Variants in SLCO4C1 observed in about 807,000 individuals in gnomAD.
The protein encoded by SLCO4C1 is solute carrier organic anion transporter family member 4C1.
In SLCO4C1, 58 loss-of-function variants were observed where a neutral mutation model predicts 72.1. The observed-to-expected ratio is 0.80, with a 90% confidence interval of 0.65 to 1.00. The LOEUF is 1.00. Ranked by LOEUF, SLCO4C1 falls within the 50% of genes least tolerant of loss-of-function variation. SLCO4C1 has a pLI of 0.00. For missense variants in SLCO4C1, 898 were observed against 857.9 expected (o/e 1.05, Z -0.58); for synonymous variants, 297 against 312.5 (o/e 0.95, Z 0.52).
At chr5:102,295,836 C>T in intron 1 of SLCO4C1, 72 bp downstream of exon 1, 1 of 1,463,852 alleles carries the variant, frequency 6.8e-7, no homozygotes, top group Admixed American at 2.2e-5. Flanking sequence ...CACCTGCCCT[C>T]TCCCCCGGCT....
At chr5:102,256,661 A>G (rs1158022021) in intron 8 of SLCO4C1, among the ~76,000 whole-genome samples, 1 of 152,268 alleles carries the variant, frequency 6.6e-6, no homozygotes, top group Non-Finnish European at 1.5e-5. Context: ...CTAAGTAGAT[A>G]CAATAATGGT....
At chr5:102,260,990 T>C (rs963924323) in intron 5 of SLCO4C1, among the ~76,000 whole-genome samples, 1 of 152,168 alleles carries the variant, frequency 6.6e-6, no homozygotes, top group African/African-American at 2.4e-5. Flanking sequence ...TGTAAACAAC[T>C]AAATACCTTC....
chr5:102,240,632 TGCCACAGG>T, intron 11 of SLCO4C1, 78 bp downstream of exon 11: 1 of 1,027,676 alleles, frequency 9.7e-7, no homozygotes, highest in Non-Finnish European at 1.5e-6. Flanking sequence ...TAATTTTTTT[TGCCACAGG>T]CCATAAATTA....
Position 102,270,780 on chromosome 5 carries a change from T to C in SLCO4C1, c.646A>G (p.Thr216Ala). The change falls in exon 3 of 13, where the codon ACC (threonine) becomes GCC (alanine). Residue 216 changes from threonine to alanine, a missense_variant. Thr to Ala is a moderately conservative substitution (Grantham distance 58). Coordinates refer to ENST00000310954, the MANE Select transcript of SLCO4C1 (RefSeq NM_180991.5). Reference protein sequence around the residue: ...EDTCVTTRNSTSCTSSTSSLS... With the variant: ...EDTCVTTRNSASCTSSTSSLS... ...GAAGAAGTTGAAGATGTACAACTGG[T>C]GCTATTCCTTGTTGTTACACAAGTG... The C allele has an allele frequency of 1.9e-6, 3 of 1,603,510 alleles. 1 individual carries two copies. The highest frequency in any genetic ancestry group is 1.1e-5 in the South Asian group (1 of 89,192).
At chr5:102,261,786 T>A (rs1580251551) in intron 5 of SLCO4C1, 126 bp downstream of exon 5, 2 of 943,356 alleles carry the variant, frequency 2.1e-6, no homozygotes, top group East Asian at 6.0e-5. Flanking sequence ...AAAGTTTACA[T>A]AGGCAGACAG....
intron 2 of SLCO4C1, among the ~76,000 whole-genome samples, chr5:102,284,375 A>C (rs6892215): frequency 0.021 from 3,267 of 152,238 alleles, 121 homozygotes; most frequent in African/African-American, 0.075. Context: ...TGCTGATCAT[A>C]ATAAAGTTTC....
At chr5:102,264,758 ATC>A (rs759037763) in intron 3 of SLCO4C1, among the ~76,000 whole-genome samples, 7 of 151,976 alleles carry the variant, frequency 4.6e-5, no homozygotes, top group Non-Finnish European at 1.0e-4. Context: ...CCATTAACAA[ATC>A]TCTCCATATC....
intron 9 of SLCO4C1, among the ~76,000 whole-genome samples, chr5:102,247,747 C>T (rs1397122500): frequency 6.6e-6 from 1 of 152,016 alleles, no homozygotes; most frequent in Admixed American, 6.6e-5. Flanking sequence ...ACATTCTACA[C>T]TTCTTTCAAC....
intron 2 of SLCO4C1, among the ~76,000 whole-genome samples, chr5:102,282,741 G>C (rs1221463599): frequency 6.6e-6 from 1 of 151,994 alleles, no homozygotes; most frequent in Non-Finnish European, 1.5e-5. Context: ...AATTATGTGA[G>C]TGTGAATGTG....
intron 3 of SLCO4C1, among the ~76,000 whole-genome samples, chr5:102,266,024 C>T (rs923055377): frequency 6.6e-6 from 1 of 151,976 alleles, no homozygotes; most frequent in East Asian, 1.9e-4. Context: ...AAGATTCTCG[C>T]CTCCTGGGTT....
Position 102,249,756 on chromosome 5 carries a change from C to T in SLCO4C1, c.1502G>A (p.Cys501Tyr). The stretch of plus-strand genomic sequence containing the variant: ...TCGCGAACAGTTACAATTGGCATTA[C>T]AAGGGGCTATCAAGTTTCCCAATTC... ...TGELGNLIAPCNANCNCSRSY... is the reference protein window; with the variant it reads ...TGELGNLIAPYNANCNCSRSY... The change falls in exon 9 of 13, where the codon TGT becomes TAT. Residue 501 changes from cysteine to tyrosine, a missense_variant. Cys to Tyr is a radical substitution (Grantham distance 194). Transcript: ENST00000310954. 1.2e-6 allele frequency: 2 copies of T among 1,613,854 alleles called. No homozygotes were observed. Among genetic ancestry groups the T allele is most frequent in the Non-Finnish European group, 1.7e-6 (2 of 1,179,894 alleles).
At chr5:102,286,993 C>A (rs532099211) in intron 2 of SLCO4C1, among the ~76,000 whole-genome samples, 1 of 152,168 alleles carries the variant, frequency 6.6e-6, no homozygotes, top group East Asian at 1.9e-4. Context: ...TTTGATTTCC[C>A]TTAAGAACAA....
At chr5:102,276,941 A>G (rs1303463096) in intron 2 of SLCO4C1, among the ~76,000 whole-genome samples, 2 of 152,154 alleles carry the variant, frequency 1.3e-5, no homozygotes, top group African/African-American at 4.8e-5. Flanking sequence ...TATTAGCTAT[A>G]GTAGTGAGAG....
intron 2 of SLCO4C1, among the ~76,000 whole-genome samples, chr5:102,287,630 G>A (rs74810669): frequency 0.056 from 8,251 of 148,016 alleles, 388 homozygotes; most frequent in African/African-American, 0.13. Flanking sequence ...CTGCAACCTC[G>A]GCCTCCCTGC....
At position 102,239,295 on chromosome 5, in the gene SLCO4C1, C is replaced by T. The variant is rs1390079299; in HGVS notation, c.1970G>A (p.Trp657Ter). 1 of 1,600,622 alleles carries T rather than the reference C, an allele frequency of 6.2e-7. No homozygotes were observed. The highest frequency in any genetic ancestry group is 1.7e-5 in the Admixed American group (1 of 58,402). The change falls in exon 12 of 13, where the codon TGG becomes TAG. Residue 657 changes from tryptophan (W) to a stop codon, truncating the protein, a stop_gained. Transcript: ENST00000310954. LOFTEE classifies it low-confidence loss of function (END_TRUNC). ...GGCCATCTTGATGTTATCATAAATCCAGCAAGCTCCTTTAATTCCACAATC... is the reference window on the plus strand; with the variant it reads ...GGCCATCTTGATGTTATCATAAATCTAGCAAGCTCCTTTAATTCCACAATC... ...INDCGIKGAC[W>*]IYDNIKMAHM...
At chr5:102,295,860 C>T in intron 1 of SLCO4C1, 48 bp downstream of exon 1, 1 of 1,539,294 alleles carries the variant, frequency 6.5e-7, no homozygotes, top group South Asian at 1.2e-5. Context: ...TCGCCGTGCC[C>T]ACCTCGCTCT....
chr5:102,240,682 C>T (rs372661441), intron 11 of SLCO4C1, 36 bp downstream of exon 11: 34 of 1,557,804 alleles, frequency 2.2e-5, no homozygotes, highest in Non-Finnish European at 2.5e-5. Flanking sequence ...ACCAAAATAG[C>T]CAACAGTTAG....
rs577361158 is a variant in SLCO4C1 at position 102,253,966 on chromosome 5, T to C, written c.1469+3149A>G. ...AGTTGAAATTATTTATATATATATA[T>C]ATCCCCTGATCTTACATTTTTTGGA... On this transcript the variant is annotated intron_variant, in intron 8 of 12. Transcript: ENST00000310954. Among the ~76,000 whole-genome samples, 961 of 151,950 alleles carry C rather than the reference T, an allele frequency of 6.3e-3. 7 individuals carry two copies. Among genetic ancestry groups the C allele is most frequent in the Middle Eastern group, 0.014 (4 of 294 alleles).
intron 3 of SLCO4C1, among the ~76,000 whole-genome samples, chr5:102,268,512 T>C (rs2112372411): frequency 6.6e-6 from 1 of 152,302 alleles, no homozygotes; most frequent in Admixed American, 6.5e-5. Flanking sequence ...ATGAGTTTCT[T>C]CTAGGCAGCA....
Sources: allele counts gnomAD v4.1 joint callset (sites outside exome capture counted in the v4.1 genomes callset), GRCh38; gene constraint gnomAD v4.1.1; transcripts MANE v1.5; gene names NCBI Gene and HGNC (gene_info 2026-07-23, HGNC 2026-07-21).